The following RHOJ variants were observed in gnomAD, a reference collection of about 807,000 sequenced individuals.
RHOJ encodes the protein ras homolog family member J, also known as rho-related GTP-binding protein RhoJ.
Under a neutral mutation model 23.4 loss-of-function variants are expected in RHOJ, and 11 were observed. The ratio of observed to expected loss-of-function variants is 0.47; its 90% CI spans 0.30 to 0.78. The LOEUF (loss-of-function observed/expected upper bound fraction) is 0.78. RHOJ is among the 30% of genes least tolerant of loss of function. The pLI, the probability that RHOJ is intolerant of heterozygous loss-of-function variation, is 0.08. For synonymous variants in RHOJ, 102 were observed against 102.7 expected (o/e 0.99, Z 0.04); for missense variants, 254 against 273.4 (o/e 0.93, Z 0.50).
chr14:63,247,857 C>T (rs968877830), intron 1 of RHOJ, among the ~76,000 whole-genome samples: 4 of 152,122 alleles, frequency 2.6e-5, no homozygotes, highest in Non-Finnish European at 4.4e-5. Context: ...TTCCACTAAC[C>T]GGGGAGGCCT....
At chr14:63,281,213 T>G in intron 3 of RHOJ, 78 bp downstream of exon 3, 4 of 1,394,348 alleles carry the variant, frequency 2.9e-6, no homozygotes, top group Non-Finnish European at 3.9e-6. Flanking sequence ...GAACATCCTA[T>G]TCTGCCAAAC....
Position 63,281,008 on chromosome 14 carries a change from A to T in RHOJ, c.275A>T (p.Asn92Ile). The T allele has an allele frequency of 6.2e-7, 1 of 1,614,020 alleles. No individual in the cohort carries two copies. Among genetic ancestry groups the T allele is most frequent in the Non-Finnish European group, 8.5e-7 (1 of 1,179,970 alleles). ...CAGCTGAGGCCACTCTCCTACCCCA[A>T]CACGGATGTGTTTTTGATCTGCTTC... Reference protein sequence around the residue: ...YNQLRPLSYPNTDVFLICFSV... With the variant: ...YNQLRPLSYPITDVFLICFSV... The change falls in exon 3 of 5, where the codon AAC becomes ATC. Residue 92 changes from asparagine to isoleucine, a missense_variant. Asn to Ile is a moderately radical substitution (Grantham distance 149, BLOSUM62 -3). Transcript: ENST00000316754.
intron 2 of RHOJ, among the ~76,000 whole-genome samples, chr14:63,271,499 G>A (rs1444421115): frequency 2.0e-5 from 3 of 152,202 alleles, no homozygotes; most frequent in African/African-American, 7.2e-5. Context: ...CACCTGTAGG[G>A]CTTGTCAAAA....
Position 63,205,034 on chromosome 14 carries a change from T to C in RHOJ, c.165T>C (p.Phe55=). Residue 55 remains phenylalanine (F), a synonymous_variant, in exon 1 of 5, where the codon TTT becomes TTC. Coordinates refer to ENST00000316754, the MANE Select transcript of RHOJ (RefSeq NM_020663.5). ...AFPEEYVPTV[F]DHYAVTVTVG... ...CAGAGGAATACGTGCCCACTGTGTT[T>C]GACCACTATGCAGGTAAGAAAAAGT... The C allele has an allele frequency of 6.2e-7, 1 of 1,614,028 alleles. No homozygotes were observed. The highest frequency in any genetic ancestry group is 8.5e-7 in the Non-Finnish European group (1 of 1,179,946).
intron 1 of RHOJ, among the ~76,000 whole-genome samples, 181 bp downstream of exon 1, chr14:63,205,228 A>G (rs904579081): frequency 9.9e-5 from 15 of 152,184 alleles, no homozygotes; most frequent in African/African-American, 3.6e-4. Context: ...TTGTGCATCA[A>G]TGTGTATGGT....
At chr14:63,226,886 G>T (rs1365029547) in intron 1 of RHOJ, among the ~76,000 whole-genome samples, 1 of 152,126 alleles carries the variant, frequency 6.6e-6, no homozygotes, top group Admixed American at 6.6e-5. Flanking sequence ...ATATTACTAA[G>T]ACCTATTCCT....
intron 1 of RHOJ, among the ~76,000 whole-genome samples, chr14:63,222,357 G>A (rs902624019): frequency 6.6e-5 from 10 of 152,262 alleles, no homozygotes; most frequent in African/African-American, 2.4e-4. Flanking sequence ...GGATGGCTGG[G>A]TCAAATGGTA....
intron 2 of RHOJ, among the ~76,000 whole-genome samples, chr14:63,269,551 G>A (rs1042315390): frequency 6.6e-6 from 1 of 151,908 alleles, no homozygotes; most frequent in Admixed American, 6.6e-5. Flanking sequence ...CTTTGCCCAC[G>A]CTTTATTTGA....
At chr14:63,282,514 T>A (rs574686518) in intron 3 of RHOJ, among the ~76,000 whole-genome samples, 1 of 152,290 alleles carries the variant, frequency 6.6e-6, no homozygotes, top group South Asian at 2.1e-4. Context: ...ATAAATGCTA[T>A]CTTCAAAGTT....
chr14:63,247,928 A>C (rs1272218239), intron 1 of RHOJ, among the ~76,000 whole-genome samples: 1 of 152,206 alleles, frequency 6.6e-6, no homozygotes. Context: ...ACAGAGAATA[A>C]GAGCCAAGTG....
At chr14:63,265,562 A>G (rs1020727186) in intron 1 of RHOJ, among the ~76,000 whole-genome samples, 1 of 152,260 alleles carries the variant, frequency 6.6e-6, no homozygotes, top group African/African-American at 2.4e-5. Flanking sequence ...TGTAAAAATG[A>G]CATTGGTAGT....
Position 63,252,527 on chromosome 14 carries a change from A to G in RHOJ, c.179-16583A>G, listed in dbSNP as rs146060420. Among the ~76,000 whole-genome samples the G allele has an allele frequency of 9.3e-4, 142 of 152,334 alleles. No individual in the cohort carries two copies. The East Asian group carries it at 0.017, about 19-fold the overall frequency. On this transcript the variant is annotated intron_variant, in intron 1 of 4. Coordinates refer to ENST00000316754, the MANE Select transcript of RHOJ (RefSeq NM_020663.5). ...TTCATCCTGAAAAAGTAGCCCAGGG[A>G]TATTTTCAAAACGTTGTTTTAACCC...
chr14:63,262,294 A>T (rs928582886), intron 1 of RHOJ, among the ~76,000 whole-genome samples: 1 of 152,156 alleles, frequency 6.6e-6, no homozygotes, highest in African/African-American at 2.4e-5. Flanking sequence ...CGTAAGTTCT[A>T]CCTGAGCTAT....
intron 1 of RHOJ, among the ~76,000 whole-genome samples, chr14:63,216,618 T>C (rs1331124530): frequency 6.6e-6 from 1 of 152,240 alleles, no homozygotes; most frequent in Non-Finnish European, 1.5e-5. Context: ...CTGGAAGCAC[T>C]AAATGCTTTT....
intron 1 of RHOJ, among the ~76,000 whole-genome samples, chr14:63,259,086 C>T (rs534666803): frequency 1.3e-4 from 20 of 152,260 alleles, no homozygotes; most frequent in African/African-American, 4.1e-4. Flanking sequence ...ATTACAGGTG[C>T]GTGCCACCAC....
intron 1 of RHOJ, among the ~76,000 whole-genome samples, chr14:63,250,556 T>A (rs1257300626): frequency 6.6e-6 from 1 of 152,084 alleles, no homozygotes; most frequent in Non-Finnish European, 1.5e-5. Flanking sequence ...CTTTCCCATC[T>A]CAGGACCTCT....
intron 1 of RHOJ, among the ~76,000 whole-genome samples, chr14:63,254,568 C>G (rs191994914): frequency 1.3e-5 from 2 of 152,072 alleles, no homozygotes; most frequent in Non-Finnish European, 2.9e-5. Flanking sequence ...GTCCAGTCAG[C>G]TATTAAGCAT....
At chr14:63,250,200 C>T (rs1228601548) in intron 1 of RHOJ, among the ~76,000 whole-genome samples, 1 of 152,214 alleles carries the variant, frequency 6.6e-6, no homozygotes, top group East Asian at 1.9e-4. Context: ...CTGCTTACTC[C>T]CCTCATTCAC....
Position 63,269,103 on chromosome 14 carries a change from C to A in RHOJ, c.179-7C>A, listed in dbSNP as rs1422617636. On this transcript the variant is annotated splice_region_variant and splice_polypyrimidine_tract_variant and intron_variant, in intron 1 of 4. Transcript: ENST00000316754. ...CTCCTCTTCTTTTCTTTTCTCTTCT[C>A]CCCTAGTTACTGTGACTGTGGGAGG... 20 of 1,607,616 alleles carry A rather than the reference C, an allele frequency of 1.2e-5. No homozygotes were observed. The highest frequency in any genetic ancestry group is 1.6e-5 in the Non-Finnish European group (19 of 1,174,510).
Sources: allele counts gnomAD v4.1 joint callset (sites outside exome capture counted in the v4.1 genomes callset), GRCh38; gene constraint gnomAD v4.1.1; transcripts MANE v1.5; gene names NCBI Gene and HGNC (gene_info 2026-07-23, HGNC 2026-07-21).